OAS3: variants seen among roughly 807,000 people sequenced by gnomAD.
OAS3 encodes 2'-5'-oligoadenylate synthetase 3, also known as 2'-5'-oligoadenylate synthase 3.
A neutral mutation model predicts 113.0 loss-of-function variants in OAS3; 107 were observed. The observed-to-expected ratio is 0.95, with a 90% CI of 0.81 to 1.11. OAS3 has a LOEUF of 1.11. Ranked by LOEUF, OAS3 falls within the 50% of genes most tolerant of loss-of-function variation. OAS3 has a pLI of 0.00. For synonymous variants in OAS3, 552 were observed against 573.6 expected, an observed-to-expected ratio of 0.96 and a Z score of 0.54; for missense variants, 1,258 against 1,389.1, an observed-to-expected ratio of 0.91 and a Z score of 1.50.
intron 7 of OAS3, among the ~76,000 whole-genome samples, chr12:112,959,006 C>G (rs1485909270): frequency 6.6e-6 from 1 of 152,236 alleles, no homozygotes; most frequent in Non-Finnish European, 1.5e-5. Context: ...GTTCGAGCTT[C>G]CCAGCCACTT....
chr12:112,956,599 G>A (rs2043838587), intron 7 of OAS3, among the ~76,000 whole-genome samples: 1 of 152,218 alleles, frequency 6.6e-6, no homozygotes, highest in Non-Finnish European at 1.5e-5. Context: ...TATGTACCAA[G>A]TAGTCATTCA....
chr12:112,950,580 A>G (rs2043779478), intron 6 of OAS3, 113 bp from the exon 7 acceptor site: 1 of 1,236,818 alleles, frequency 8.1e-7, no homozygotes, highest in African/African-American at 1.5e-5. Context: ...CCCAGACCTG[A>G]CATCAGCAAG....
At chr12:112,962,440 G>A (rs994376958) in intron 8 of OAS3, among the ~76,000 whole-genome samples, 5 of 152,188 alleles carry the variant, frequency 3.3e-5, no homozygotes, top group South Asian at 2.1e-4. Context: ...CAAAAGCCAC[G>A]TCTGAGCTCT....
At chr12:112,942,202 CG>C in intron 2 of OAS3, 1 of 503,950 alleles carries the variant, frequency 2.0e-6, no homozygotes, top group Non-Finnish European at 3.5e-6. Flanking sequence ...GGCCTGGGGA[CG>C]AAACCAGAAT....
intron 7 of OAS3, among the ~76,000 whole-genome samples, chr12:112,960,859 G>A (rs527971265): frequency 6.6e-6 from 1 of 152,232 alleles, no homozygotes; most frequent in African/African-American, 2.4e-5. Flanking sequence ...GTTACTGGAT[G>A]GATTAGCAAA....
Position 112,965,914 on chromosome 12 carries a change from C to A in OAS3, c.2574C>A (p.Val858=). The change falls in exon 12 of 16, where the codon GTC becomes GTA. Residue 858 remains valine, a synonymous_variant. Transcript: ENST00000228928. ...GTCAACAGGAGCGGCAGTTCGAGGT[C>A]AAGTTTGAAGTCTCCAAATGGGAGA... ...EACQQERQFE[V]KFEVSKWENP... is the part of the protein sequence containing the mutation. 6.2e-7 allele frequency: 1 copy of A among 1,613,698 alleles called. No homozygotes were observed. The highest frequency in any genetic ancestry group is 8.5e-7 in the Non-Finnish European group (1 of 1,179,778).
chr12:112,939,559 G>A (rs1262198273), intron 1 of OAS3, among the ~76,000 whole-genome samples: 1 of 152,110 alleles, frequency 6.6e-6, no homozygotes, highest in African/African-American at 2.4e-5. Flanking sequence ...GGGCTCAAGT[G>A]ATCCACTTGC....
chr12:112,959,113 T>C (rs2043860406), intron 7 of OAS3, among the ~76,000 whole-genome samples: 1 of 152,208 alleles, frequency 6.6e-6, no homozygotes, highest in Non-Finnish European at 1.5e-5. Flanking sequence ...TAACAGTGAA[T>C]GAGGCTCCGT....
In OAS3 at chr12:112,968,192, AT is replaced by A; in HGVS notation, c.3104+19del. On this transcript the variant is annotated intron_variant, in intron 14 of 15. Transcript: ENST00000228928. Reference sequence around the variant, plus strand: ...AAGCCCAGGTTCAGGTCTACCCCCAATGTTCCAGAATTTCAAACCTGGGATC... The same window carrying A: ...AAGCCCAGGTTCAGGTCTACCCCCAAGTTCCAGAATTTCAAACCTGGGATC... The A allele has an allele frequency of 6.3e-7, 1 of 1,597,214 alleles. No individual in the cohort carries two copies. The highest frequency in any genetic ancestry group is 1.1e-5 in the South Asian group (1 of 89,188).
chr12:112,969,874 C>G (rs2043968828), intron 15 of OAS3, 88 bp from the exon 16 acceptor site: 2 of 1,588,070 alleles, frequency 1.3e-6, no homozygotes, highest in Admixed American at 1.8e-5. Flanking sequence ...AGGTATGCCC[C>G]TGTGCTTCCA....
rs1311755204 is a variant in OAS3 at position 112,941,726 on chromosome 12, C to T, written c.334C>T (p.Pro112Ser). Residue 112 changes from proline (P) to serine (S), a missense_variant, in exon 2 of 16, where the codon CCA (proline) becomes TCA (serine). Pro to Ser is a moderately conservative substitution (Grantham distance 74). Coordinates refer to ENST00000228928, the MANE Select transcript of OAS3 (RefSeq NM_006187.4). ...RASLESWWQNPVPGLRLTFPE... is the reference protein window; with the variant it reads ...RASLESWWQNSVPGLRLTFPE... Reference sequence around the variant, plus strand: ...ATCGCTGGAATCCTGGTGGCAGAACCCAGTCCCTGGTCTGAGACTCACGTT... The same window carrying T: ...ATCGCTGGAATCCTGGTGGCAGAACTCAGTCCCTGGTCTGAGACTCACGTT... 6.2e-7 allele frequency: 1 copy of T among 1,614,054 alleles called. No individual in the cohort carries two copies. Among genetic ancestry groups the T allele is most frequent in the South Asian group, 1.1e-5 (1 of 91,082 alleles).
rs1214252527 is a variant in OAS3, at chr12:112,963,475, G to T, written c.2229+18G>T. 5 of 1,510,052 alleles carry T rather than the reference G, an allele frequency of 3.3e-6. No homozygotes were observed. The Admixed American group carries it at 1.1e-4, about 32-fold the overall frequency. 93.5% of individuals were successfully genotyped at this position (1,510,052 alleles called of 1,614,324 possible). Reference sequence around the variant, plus strand: ...ATGTGATGGTAAGATGGAGGGTCCTGGGGGGCAGGGGGCCCTGCACCCTGC... The same window carrying T: ...ATGTGATGGTAAGATGGAGGGTCCTTGGGGGCAGGGGGCCCTGCACCCTGC... On this transcript the variant is annotated intron_variant, in intron 10 of 15. Coordinates refer to ENST00000228928, the MANE Select transcript of OAS3 (RefSeq NM_006187.4). The surrounding 1 kb of genome is among the most constrained non-coding windows in gnomAD (Gnocchi z 4.6).
Position 112,970,409 on chromosome 12 carries a change from A to G in OAS3, c.*436A>G, listed in dbSNP as rs970205977. Reference sequence around the variant, plus strand: ...TCCTTGCCAAATCTAAATAGTTTATATAGGGATGGCAGAGAGTTCCCATCT... The same window carrying G: ...TCCTTGCCAAATCTAAATAGTTTATGTAGGGATGGCAGAGAGTTCCCATCT... On this transcript the variant is annotated 3_prime_UTR_variant, in exon 16 of 16. Coordinates refer to ENST00000228928, the MANE Select transcript of OAS3 (RefSeq NM_006187.4). 3 of 210,282 alleles carry G rather than the reference A, an allele frequency of 1.4e-5. No homozygotes were observed. Among genetic ancestry groups the G allele is most frequent in the African/African-American group, 2.3e-5 (1 of 43,536 alleles). 13.0% of individuals were successfully genotyped at this position (210,282 alleles called of 1,614,324 possible). A position where few individuals can be genotyped will look rare whatever the true frequency, so the allele number is the denominator to read the frequency against.
At position 112,949,224 on chromosome 12, in the gene OAS3, G is replaced by T. The variant is rs1161245938; in HGVS notation, c.1374+19G>T. The T allele has an allele frequency of 6.5e-7, 1 of 1,545,272 alleles. No homozygotes were observed. Among genetic ancestry groups the T allele is most frequent in the Non-Finnish European group, 8.7e-7 (1 of 1,154,730 alleles). ...CAGTAAAGTGAGTTGGGCCAGTGGA[G>T]ACACAGGGGGGACCCTATCGAGGGA... is the stretch of plus-strand genomic sequence containing the variant. On this transcript the variant is annotated intron_variant, in intron 6 of 15. Transcript: ENST00000228928.
rs778026580 is a variant in OAS3 at position 112,965,913 on chromosome 12, T to C, written c.2573T>C (p.Val858Ala). ...EACQQERQFEVKFEVSKWENP... is the reference protein window; with the variant it reads ...EACQQERQFEAKFEVSKWENP... ...TGTCAACAGGAGCGGCAGTTCGAGG[T>C]CAAGTTTGAAGTCTCCAAATGGGAG... Residue 858 changes from valine (V) to alanine (A), a missense_variant, in exon 12 of 16, where the codon GTC (valine) becomes GCC (alanine). Val to Ala is a moderately conservative substitution (Grantham distance 64, BLOSUM62 0). Transcript: ENST00000228928. The C allele has an allele frequency of 6.2e-7, 1 of 1,613,520 alleles. No individual in the cohort carries two copies. Among genetic ancestry groups the C allele is most frequent in the South Asian group, 1.1e-5 (1 of 90,954 alleles).
At chr12:112,968,970 G>A (rs927905795) in intron 14 of OAS3, among the ~76,000 whole-genome samples, 4 of 152,206 alleles carry the variant, frequency 2.6e-5, no homozygotes, top group Admixed American at 6.5e-5. Flanking sequence ...CAGTCAGTGG[G>A]GAGTGGCTAC....
At chr12:112,948,142 TTA>T in intron 5 of OAS3, 43 bp downstream of exon 5, 1 of 1,459,106 alleles carries the variant, frequency 6.9e-7, no homozygotes, top group Non-Finnish European at 9.1e-7. Flanking sequence ...TGCACTTTGT[TTA>T]TGTGTCCAGT....
chr12:112,959,584 A>C (rs2043864282), intron 7 of OAS3, among the ~76,000 whole-genome samples: 1 of 152,082 alleles, frequency 6.6e-6, no homozygotes, highest in African/African-American at 2.4e-5. Flanking sequence ...AGGTCTTCCA[A>C]TAGCTCTTCA....
intron 7 of OAS3, among the ~76,000 whole-genome samples, chr12:112,957,429 A>G (rs879582736): frequency 1.3e-5 from 2 of 152,206 alleles, no homozygotes; most frequent in African/African-American, 2.4e-5. Context: ...TCTTCCTAGC[A>G]TCGATGGTCT....
Sources: allele counts gnomAD v4.1 joint callset (sites outside exome capture counted in the v4.1 genomes callset), GRCh38; gene constraint gnomAD v4.1.1; non-coding constraint Gnocchi (gnomAD v3.1); transcripts MANE v1.5; gene names NCBI Gene and HGNC (gene_info 2026-07-23, HGNC 2026-07-21).